The following RNF212B variants were observed in gnomAD, a reference collection of about 807,000 sequenced individuals.
The protein encoded by RNF212B is E3 ubiquitin-protein ligase RNF212B.
Under a neutral mutation model 55.5 loss-of-function variants are expected in RNF212B, and 52 were observed. The ratio of observed to expected loss-of-function variants is 0.94; its 90% confidence interval spans 0.75 to 1.18. RNF212B has a LOEUF of 1.18. Among genes scored for constraint, RNF212B ranks in the 50% most tolerant of loss-of-function variants. RNF212B has a pLI of 0.00. For synonymous variants in RNF212B, 99 were observed against 121.4 expected, an observed-to-expected ratio of 0.82 and a Z score of 1.21; for missense variants, 289 against 350.4, an observed-to-expected ratio of 0.82 and a Z score of 1.40.
chr14:23,243,347 A>G, intron 3 of RNF212B, 39 bp downstream of exon 3: 4 of 1,483,072 alleles, frequency 2.7e-6, no homozygotes, highest in Non-Finnish European at 3.7e-6. Context: ...GTCTCATCCC[A>G]TTCCTGGCCT....
chr14:23,246,134 C>CTT (rs1157017157), intron 4 of RNF212B, among the ~76,000 whole-genome samples: 3 of 142,626 alleles, frequency 2.1e-5, no homozygotes, highest in Non-Finnish European at 1.5e-5. Context: ...GTTTTCTTTT[C>CTT]TTTTTTTTTT....
In RNF212B at chr14:23,242,061, G is replaced by T. The variant is rs142720335; in HGVS notation, c.101-1195G>T. Among the ~76,000 whole-genome samples, 883 of 112,790 alleles carry T rather than the reference G, an allele frequency of 7.8e-3. 13 individuals carry two copies. Among genetic ancestry groups the T allele is most frequent in the African/African-American group, 0.028 (829 of 29,306 alleles). 74.0% of individuals were successfully genotyped at this position (112,790 alleles called of 152,430 possible). A position where few individuals can be genotyped will look rare whatever the true frequency, so the allele number is the denominator to read the frequency against. Reference sequence around the variant, plus strand: ...CGTGCCACTGCACTCCAGCCTGGGCGACAGAGCAAGACTCCGTCTCAAAAA... The same window carrying T: ...CGTGCCACTGCACTCCAGCCTGGGCTACAGAGCAAGACTCCGTCTCAAAAA... On this transcript the variant is annotated intron_variant, in intron 2 of 14. Transcript: ENST00000430154.
chr14:23,231,019 T>C (rs1882568731), intron 2 of RNF212B, among the ~76,000 whole-genome samples: 1 of 152,218 alleles, frequency 6.6e-6, no homozygotes, highest in Non-Finnish European at 1.5e-5. Context: ...TTGATTACAG[T>C]AGCTTTGTAG....
chr14:23,265,611 C>A (rs890534752), intron 11 of RNF212B, among the ~76,000 whole-genome samples: 1 of 152,172 alleles, frequency 6.6e-6, no homozygotes, highest in African/African-American at 2.4e-5. Flanking sequence ...CATAGATGTT[C>A]TAGCCAATTT....
intron 1 of RNF212B, among the ~76,000 whole-genome samples, 94 bp downstream of exon 1, chr14:23,238,149 C>CT (rs1397580210): frequency 4.2e-4 from 64 of 152,246 alleles, no homozygotes; most frequent in African/African-American, 1.5e-3. Context: ...CTCAGGGTCG[C>CT]CTTAATCACC....
At chr14:23,238,991 G>T (rs1285702431) in intron 1 of RNF212B, among the ~76,000 whole-genome samples, 1 of 152,050 alleles carries the variant, frequency 6.6e-6, no homozygotes, top group African/African-American at 2.4e-5. Flanking sequence ...TGAATATCAG[G>T]TACCTCTTTT....
intron 1 of RNF212B, among the ~76,000 whole-genome samples, chr14:23,238,867 T>C (rs979374179): frequency 9.9e-5 from 15 of 152,002 alleles, no homozygotes; most frequent in Non-Finnish European, 1.3e-4. Flanking sequence ...ATACAGGCTA[T>C]ATGATTACCA....
At chr14:23,248,302 GT>G (rs531947283) in intron 4 of RNF212B, among the ~76,000 whole-genome samples, 458 of 138,418 alleles carry the variant, frequency 3.3e-3, no homozygotes, top group African/African-American at 9.5e-3. Context: ...TAGTTTTTGT[GT>G]TTTTTTTTTT....
chr14:23,192,471 G>A (rs1470247486), intron 1 of RNF212B, among the ~76,000 whole-genome samples: 2 of 148,212 alleles, frequency 1.3e-5, no homozygotes, highest in African/African-American at 5.0e-5. Flanking sequence ...TCACTCATAG[G>A]TGGGAATTGA....
At chr14:23,241,687 G>A (rs1883579829) in intron 2 of RNF212B, among the ~76,000 whole-genome samples, 1 of 151,944 alleles carries the variant, frequency 6.6e-6, no homozygotes, top group Non-Finnish European at 1.5e-5. Flanking sequence ...GCCTCCCAAA[G>A]TGCTGGGATT....
intron 11 of RNF212B, among the ~76,000 whole-genome samples, chr14:23,268,667 A>G (rs1375646198): frequency 2.0e-5 from 3 of 152,178 alleles, no homozygotes; most frequent in African/African-American, 7.2e-5. Flanking sequence ...TTAGAGGGGA[A>G]ACCAAGGCAC....
rs1450391829 is a variant in RNF212B at position 23,263,521 on chromosome 14, TTAAGGGAG to T, written c.524+553_524+560del. 9.2e-5 allele frequency among the ~76,000 whole-genome samples: 14 copies of T among 152,266 alleles called. No individual in the cohort carries two copies. In the South Asian group the frequency reaches 2.9e-3, roughly 32 times the overall value. ...GTCAGGTCCTAACAGATGTCTCGGC[TTAAGGGAG>T]TTAAGTTTATGCTGAAAGATGGAAA... On this transcript the variant is annotated intron_variant, in intron 9 of 14. Coordinates refer to ENST00000430154, the MANE Select transcript of RNF212B (RefSeq NM_001282322.3).
Position 23,264,689 on chromosome 14 carries a change from G to T in RNF212B, c.634+18G>T. On this transcript the variant is annotated intron_variant, in intron 11 of 14. Transcript: ENST00000430154. ...TTATAATGGTGAGGTGGGGGGAAAAGGGTGTCAGAAATCAACTTACTCTAT... is the reference window on the plus strand; with the variant it reads ...TTATAATGGTGAGGTGGGGGGAAAATGGTGTCAGAAATCAACTTACTCTAT... The T allele has an allele frequency of 7.8e-7, 1 of 1,276,016 alleles. No homozygotes were observed. Among genetic ancestry groups the T allele is most frequent in the Non-Finnish European group, 1.0e-6 (1 of 1,001,356 alleles). 79.0% of individuals were successfully genotyped at this position (1,276,016 alleles called of 1,614,324 possible).
chr14:23,188,133 T>C (rs1477574800), intron 1 of RNF212B: 1 of 152,212 alleles, frequency 6.6e-6, no homozygotes, highest in Non-Finnish European at 1.5e-5. Context: ...TGCTTTGTTA[T>C]GATGGTTAAT....
chr14:23,244,378 T>G lies in RNF212B; in HGVS notation c.210T>G (p.Tyr70Ter). 4.5e-6 allele frequency: 7 copies of G among 1,543,006 alleles called. No homozygotes were observed. Among genetic ancestry groups the G allele is most frequent in the Non-Finnish European group, 3.5e-6 (4 of 1,143,086 alleles). The change falls in exon 4 of 15, where the codon TAT becomes TAG. Residue 70 changes from tyrosine to a stop codon, truncating the protein, a stop_gained. Coordinates refer to ENST00000430154, the MANE Select transcript of RNF212B (RefSeq NM_001282322.3). LOFTEE classifies it high-confidence loss of function. Reference protein sequence around the residue: ...FKSPVETALQYFSHISQVWSF... With the variant: ...FKSPVETALQ ...GTCCTGTGGAGACAGCTTTGCAGTATTTTAGTCACATCTCTCAGGTATGAG... is the reference window on the plus strand; with the variant it reads ...GTCCTGTGGAGACAGCTTTGCAGTAGTTTAGTCACATCTCTCAGGTATGAG...
At chr14:23,202,667 C>T (rs940051845) in intron 2 of RNF212B, among the ~76,000 whole-genome samples, 8 of 152,038 alleles carry the variant, frequency 5.3e-5, no homozygotes, top group African/African-American at 9.7e-5. Flanking sequence ...CTGGCTTACA[C>T]GGTGAAACCC....
At chr14:23,213,270 AC>A (rs1880729450) in intron 2 of RNF212B, among the ~76,000 whole-genome samples, 2 of 151,756 alleles carry the variant, frequency 1.3e-5, no homozygotes, top group Non-Finnish European at 2.9e-5. Flanking sequence ...CCGAGATCGC[AC>A]CACTGCACTC....
chr14:23,208,832 C>G (rs1184870924), intron 2 of RNF212B, among the ~76,000 whole-genome samples: 1 of 132,580 alleles, frequency 7.5e-6, no homozygotes, highest in African/African-American at 2.9e-5. Flanking sequence ...GATCTCAGGT[C>G]ACTGCAAGCT....
intron 6 of RNF212B, among the ~76,000 whole-genome samples, chr14:23,260,166 A>G (rs1885190270): frequency 6.6e-6 from 1 of 152,206 alleles, no homozygotes; most frequent in South Asian, 2.1e-4. Context: ...ATTCCTGAAC[A>G]TCAGTGAGTC....
Sources: allele counts gnomAD v4.1 joint callset (sites outside exome capture counted in the v4.1 genomes callset), GRCh38; gene constraint gnomAD v4.1.1; transcripts MANE v1.5; gene names NCBI Gene and HGNC (gene_info 2026-07-23, HGNC 2026-07-21).